SPAG16: variants seen among roughly 807,000 people sequenced by gnomAD.
SPAG16 encodes sperm associated antigen 16, also known as sperm-associated antigen 16 protein.
In SPAG16, 86 loss-of-function variants were observed where a neutral mutation model predicts 80.4. That is an observed-to-expected ratio of 1.07 (90% CI 0.90 to 1.28). The LOEUF (loss-of-function observed/expected upper bound fraction) is 1.28, where lower values mean the gene tolerates loss of function less well. Among genes scored for constraint, SPAG16 ranks in the 50% most tolerant of loss-of-function variants. SPAG16 has a pLI of 0.00. For synonymous variants in SPAG16, 294 were observed against 265.9 expected (o/e 1.11, Z -1.03); for missense variants, 870 against 765.3 (o/e 1.14, Z -1.61).
intron 9 of SPAG16, among the ~76,000 whole-genome samples, chr2:213,429,340 G>T (rs112836517): frequency 0.023 from 3,522 of 152,068 alleles, 57 homozygotes; most frequent in South Asian, 0.037. Flanking sequence ...GCCCTTTCCA[G>T]TTCCACCCAA....
intron 9 of SPAG16, chr2:213,375,356 C>T (rs896659032): frequency 9.0e-6 from 3 of 331,634 alleles, no homozygotes; most frequent in Non-Finnish European, 1.7e-5. Context: ...GCCACCTATC[C>T]CAACATAATC....
intron 12 of SPAG16, among the ~76,000 whole-genome samples, chr2:213,955,762 A>G (rs2044087377): frequency 6.6e-6 from 1 of 152,080 alleles, no homozygotes; most frequent in African/African-American, 2.4e-5. Flanking sequence ...CATCCACACT[A>G]TCCAATACAT....
intron 10 of SPAG16, among the ~76,000 whole-genome samples, chr2:213,838,296 C>T (rs1202493192): frequency 6.6e-6 from 1 of 152,138 alleles, no homozygotes; most frequent in East Asian, 1.9e-4. Flanking sequence ...CTCAGCTTCC[C>T]AAGTAGCTGG....
chr2:213,694,042 C>CAAAAAAAAAAAA (rs68152101), intron 10 of SPAG16, among the ~76,000 whole-genome samples: 1 of 121,350 alleles, frequency 8.2e-6, no homozygotes, highest in African/African-American at 3.2e-5. Context: ...TTATGCAAGA[C>CAAAAAAAAAAAA]AAAAAAAAAA....
chr2:213,607,322 A>G (rs1046608863), intron 10 of SPAG16, among the ~76,000 whole-genome samples: 6 of 152,146 alleles, frequency 3.9e-5, no homozygotes, highest in Non-Finnish European at 7.4e-5. Context: ...AATATTTTCT[A>G]TTGCACCTTT....
chr2:213,508,180 A>G (rs942744631), intron 10 of SPAG16, among the ~76,000 whole-genome samples: 11 of 152,210 alleles, frequency 7.2e-5, no homozygotes, highest in African/African-American at 2.2e-4. Context: ...ACTATTCACA[A>G]TAGCAAAGAC....
intron 10 of SPAG16, among the ~76,000 whole-genome samples, chr2:213,746,276 A>G (rs1159080978): frequency 6.6e-6 from 1 of 152,244 alleles, no homozygotes; most frequent in Non-Finnish European, 1.5e-5. Flanking sequence ...GAGTTCTGCA[A>G]TTACTGACAG....
At chr2:213,991,977 C>T (rs1040786835) in intron 12 of SPAG16, among the ~76,000 whole-genome samples, 4 of 151,848 alleles carry the variant, frequency 2.6e-5, no homozygotes, top group Non-Finnish European at 4.4e-5. Context: ...GTAGGGCAGT[C>T]CTGCATAATG....
rs992679224 is a variant in SPAG16, at chr2:213,899,986, G to T, written c.1215-29974G>T. Among the ~76,000 whole-genome samples, 3 of 152,236 alleles carry T rather than the reference G, an allele frequency of 2.0e-5. No individual in the cohort carries two copies. The South Asian group carries it at 6.2e-4, about 32-fold the overall frequency. On this transcript the variant is annotated intron_variant, in intron 11 of 15. Coordinates refer to ENST00000331683, the MANE Select transcript of SPAG16 (RefSeq NM_024532.5). ...AACTCTTAGTACCAAAGCAGAGATTGCGAAGAAAGTATTGCATTCCATATT... is the reference window on the plus strand; with the variant it reads ...AACTCTTAGTACCAAAGCAGAGATTTCGAAGAAAGTATTGCATTCCATATT...
At chr2:213,669,301 T>A (rs1262928582) in intron 10 of SPAG16, among the ~76,000 whole-genome samples, 2 of 152,128 alleles carry the variant, frequency 1.3e-5, no homozygotes, top group East Asian at 3.9e-4. Context: ...GCTATTAGAG[T>A]TTGAGCCTTG....
At chr2:213,425,284 C>A (rs1439668019) in intron 9 of SPAG16, among the ~76,000 whole-genome samples, 1 of 151,992 alleles carries the variant, frequency 6.6e-6, no homozygotes, top group African/African-American at 2.4e-5. Flanking sequence ...CACACCACTG[C>A]ACTCCAATCT....
chr2:213,954,705 T>C (rs2044029345), intron 12 of SPAG16, among the ~76,000 whole-genome samples: 1 of 152,146 alleles, frequency 6.6e-6, no homozygotes, highest in South Asian at 2.1e-4. Context: ...CCACAGTGAC[T>C]GTAGGTTAAT....
At chr2:213,992,154 T>C (rs1190205437) in intron 12 of SPAG16, among the ~76,000 whole-genome samples, 1 of 152,190 alleles carries the variant, frequency 6.6e-6, no homozygotes, top group Non-Finnish European at 1.5e-5. Flanking sequence ...AAGCCCCGTT[T>C]ATAAAGTTTT....
At chr2:214,059,511 C>T (rs2050146406) in intron 13 of SPAG16, among the ~76,000 whole-genome samples, 1 of 151,696 alleles carries the variant, frequency 6.6e-6, no homozygotes, top group Admixed American at 6.6e-5. Context: ...ATTACAAATA[C>T]AAGTCTGAGC....
intron 12 of SPAG16, among the ~76,000 whole-genome samples, chr2:213,930,864 C>T (rs752159085): frequency 6.6e-6 from 1 of 152,088 alleles, no homozygotes; most frequent in Non-Finnish European, 1.5e-5. Flanking sequence ...ATATATCATC[C>T]ATCAAACTTT....
intron 15 of SPAG16, among the ~76,000 whole-genome samples, chr2:214,327,973 T>C (rs1696613003): frequency 6.6e-6 from 1 of 152,154 alleles, no homozygotes; most frequent in Admixed American, 6.5e-5. Context: ...AAACAAATGA[T>C]CTGACAGTCA....
chr2:213,810,668 G>T (rs2072076541), intron 10 of SPAG16, among the ~76,000 whole-genome samples: 1 of 152,296 alleles, frequency 6.6e-6, no homozygotes, highest in Middle Eastern at 3.4e-3. Flanking sequence ...GGAACAAGCA[G>T]CAAAGTGTAT....
intron 9 of SPAG16, among the ~76,000 whole-genome samples, chr2:213,407,826 GGC>G (rs2068726309): frequency 8.5e-6 from 1 of 117,862 alleles, no homozygotes; most frequent in African/African-American, 3.2e-5. Flanking sequence ...AGAGGAGAGA[GGC>G]AGAGAGAGAG....
At chr2:213,760,211 A>G (rs2068580069) in intron 10 of SPAG16, among the ~76,000 whole-genome samples, 1 of 152,222 alleles carries the variant, frequency 6.6e-6, no homozygotes, top group Admixed American at 6.5e-5. Context: ...AGATGCAAAT[A>G]GATTGAAGGT....
Sources: gnomAD v4.1 joint callset for allele counts (sites outside exome capture counted in the v4.1 genomes callset) on GRCh38, gnomAD v4.1.1 for gene constraint, MANE v1.5 for transcripts, NCBI Gene and HGNC (gene_info 2026-07-23, HGNC 2026-07-21) for gene names.